ZNF469: variants seen among roughly 807,000 people sequenced by gnomAD.
ZNF469 encodes the protein zinc finger protein 469.
ZNF469 carries 1 observed loss-of-function variant against 1.0 expected under a neutral mutation model. The observed-to-expected ratio is 1.00, with a 90% CI of 0.35 to 4.73. The LOEUF (loss-of-function observed/expected upper bound fraction) is 4.73. Ranked by LOEUF, ZNF469 falls within the 30% of genes most tolerant of loss-of-function variation. ZNF469 has a pLI of 0.16. For synonymous variants in ZNF469, 2,703 were observed against 2,363.4 expected (o/e 1.14, Z -4.17); for missense variants, 6,100 against 5,356.3 (o/e 1.14, Z -4.33).
the ZNF469 span, among the ~76,000 whole-genome samples, chr16:88,299,074 A>G: frequency 2.0e-5 from 3 of 147,604 alleles, no homozygotes; most frequent in African/African-American, 7.4e-5. Flanking sequence ...CTGCAAGCCA[A>G]TGGGGGGCAG....
At chr16:88,269,454 ATTCTTT>A in the ZNF469 span, among the ~76,000 whole-genome samples, 7 of 152,094 alleles carry the variant, frequency 4.6e-5, no homozygotes, top group Non-Finnish European at 1.0e-4. Flanking sequence ...CCTGCAGCAC[ATTCTTT>A]TTCTTTTTCT....
the ZNF469 span, among the ~76,000 whole-genome samples, chr16:88,320,584 A>G: frequency 6.6e-6 from 1 of 152,128 alleles, no homozygotes; most frequent in African/African-American, 2.4e-5. Flanking sequence ...GGGTTTTACT[A>G]CGTTGGCCAG....
chr16:88,126,717 G>T, the ZNF469 span, among the ~76,000 whole-genome samples: 1 of 151,738 alleles, frequency 6.6e-6, no homozygotes, highest in Non-Finnish European at 1.5e-5. Flanking sequence ...GCAGTGGCTC[G>T]ATCTCGGCTC....
intron 1 of ZNF469, among the ~76,000 whole-genome samples, chr16:88,398,336 G>A (rs1336534010): frequency 5.3e-5 from 8 of 151,650 alleles, no homozygotes; most frequent in South Asian, 2.1e-4. Context: ...CGTGAGCCAC[G>A]GGTGAAGGGA....
At chr16:88,333,878 GTTTGTGTGTC>G in the ZNF469 span, among the ~76,000 whole-genome samples, 2 of 151,164 alleles carry the variant, frequency 1.3e-5, no homozygotes, top group Non-Finnish European at 3.0e-5. Flanking sequence ...GTGTGTGTGT[GTTTGTGTGTC>G]TGTGTGTGTG....
At chr16:88,182,637 G>A in the ZNF469 span, among the ~76,000 whole-genome samples, 1 of 152,008 alleles carries the variant, frequency 6.6e-6, no homozygotes, top group Non-Finnish European at 1.5e-5. Flanking sequence ...AACTTGATGG[G>A]ATAAAGATAC....
chr16:88,202,223 C>G, the ZNF469 span, among the ~76,000 whole-genome samples: 4 of 152,222 alleles, frequency 2.6e-5, no homozygotes, highest in African/African-American at 9.7e-5. Flanking sequence ...GTTCCCCACA[C>G]CAGTCATGTG....
At chr16:88,384,114 C>T (rs962953990) in intron 1 of ZNF469, among the ~76,000 whole-genome samples, 1 of 152,258 alleles carries the variant, frequency 6.6e-6, no homozygotes, top group African/African-American at 2.4e-5. Flanking sequence ...GTGAGCCATG[C>T]TGGGCATAGG....
chr16:88,311,552 C>G, the ZNF469 span, among the ~76,000 whole-genome samples: 1 of 152,210 alleles, frequency 6.6e-6, no homozygotes, highest in East Asian at 1.9e-4. Context: ...TTTGTGGGGA[C>G]TTCAGAACAG....
chr16:88,261,526 GA>G, the ZNF469 span, among the ~76,000 whole-genome samples: 1 of 151,124 alleles, frequency 6.6e-6, no homozygotes, highest in African/African-American at 2.4e-5. The surrounding 1 kb of genome is among the most constrained non-coding windows in gnomAD (Gnocchi z 6.0). Context: ...CACAGGACCC[GA>G]AGTCCTGAAG....
At chr16:88,358,386 C>T in the ZNF469 span, among the ~76,000 whole-genome samples, 2 of 152,180 alleles carry the variant, frequency 1.3e-5, no homozygotes, top group African/African-American at 4.8e-5. Flanking sequence ...GGGCTGGGTG[C>T]ATTTCCTGTA....
At chr16:88,315,419 GCA>G in the ZNF469 span, among the ~76,000 whole-genome samples, 1 of 152,232 alleles carries the variant, frequency 6.6e-6, no homozygotes, top group African/African-American at 2.4e-5. Flanking sequence ...GGCCACGCAC[GCA>G]CACAACGCCT....
Position 88,438,552 on chromosome 16 carries a change from G to T in ZNF469, c.11082G>T (p.Lys3694Asn). 1.9e-6 allele frequency: 3 copies of T among 1,550,172 alleles called. No individual in the cohort carries two copies. The highest frequency in any genetic ancestry group is 2.6e-6 in the Non-Finnish European group (3 of 1,146,952). The change falls in exon 3 of 3, where the codon AAG becomes AAT. Residue 3694 changes from lysine to asparagine, a missense_variant. By Grantham distance (94) the Lys-to-Asn change is moderately conservative. Transcript: ENST00000565624. ...CATCCACCCCCAGCAAAGCACTCAA[G>T]TTCCCAGTGCACCCAAGGAAGGCGG... ...SAASTPSKAL[K>N]FPVHPRKAVG...
At chr16:88,279,848 T>TCAC in the ZNF469 span, among the ~76,000 whole-genome samples, 3 of 88,392 alleles carry the variant, frequency 3.4e-5, no homozygotes, top group African/African-American at 4.3e-5. Context: ...TGCTGTGCCA[T>TCAC]GCTGACACTC....
At position 88,431,954 on chromosome 16, in the gene ZNF469, A is replaced by G; in HGVS notation, c.4484A>G (p.Asp1495Gly). ...ADPPQKTVPS[D>G]PPYPSFLLLE... ...CCTCCCCAGAAGACGGTGCCGTCAG[A>G]TCCACCGTACCCCTCTTTTTTGCTG... Residue 1495 changes from aspartate to glycine, a missense_variant, in exon 3 of 3, where the codon GAT becomes GGT. By Grantham distance (94) the Asp-to-Gly change is moderately conservative. Transcript: ENST00000565624. The G allele has an allele frequency of 6.5e-7, 1 of 1,549,188 alleles. No individual in the cohort carries two copies. Among genetic ancestry groups the G allele is most frequent in the South Asian group, 1.2e-5 (1 of 84,042 alleles).
chr16:88,390,757 C>T (rs1178409436), intron 1 of ZNF469, among the ~76,000 whole-genome samples: 1 of 152,200 alleles, frequency 6.6e-6, no homozygotes, highest in Admixed American at 6.5e-5. Context: ...GAAGGCGTCT[C>T]TGAGCTGGGT....
At chr16:88,353,862 C>A in the ZNF469 span, among the ~76,000 whole-genome samples, 1 of 152,302 alleles carries the variant, frequency 6.6e-6, no homozygotes, top group African/African-American at 2.4e-5. Context: ...GGAAGCTCTC[C>A]TGGAGCTTCC....
At chr16:88,186,077 G>C in the ZNF469 span, among the ~76,000 whole-genome samples, 1 of 152,234 alleles carries the variant, frequency 6.6e-6, no homozygotes, top group Non-Finnish European at 1.5e-5. Context: ...CCTACACTCT[G>C]AGCTCCCGGA....
the ZNF469 span, among the ~76,000 whole-genome samples, chr16:88,298,677 A>G: frequency 3.5e-3 from 531 of 152,138 alleles, 5 homozygotes; most frequent in African/African-American, 0.012. Context: ...GGAGGGAGGC[A>G]ATGTTCTGGA....
Sources: gnomAD v4.1 joint callset for allele counts (sites outside exome capture counted in the v4.1 genomes callset) on GRCh38, gnomAD v4.1.1 for gene constraint, Gnocchi (gnomAD v3.1) non-coding constraint, MANE v1.5 for transcripts, NCBI Gene and HGNC (gene_info 2026-07-23, HGNC 2026-07-21) for gene names.